Variants in CSMD1 observed in about 807,000 individuals in gnomAD.
CSMD1 encodes the protein CUB and Sushi multiple domains 1, also known as CUB and sushi domain-containing protein 1.
In CSMD1, 213 loss-of-function variants were observed where a neutral mutation model predicts 417.5. The observed-to-expected ratio is 0.51, with a 90% CI of 0.46 to 0.57. The LOEUF (loss-of-function observed/expected upper bound fraction) is 0.57. CSMD1 is among the 20% of genes least tolerant of loss of function. The probability of loss-of-function intolerance (pLI) is 0.00; values close to 1 mark genes in which losing one functional copy is unlikely to be tolerated. For synonymous variants in CSMD1, 2,862 were observed against 1,736.8 expected (o/e 1.65, Z -16.11); for missense variants, 6,923 against 4,529.7 (o/e 1.53, Z -15.17).
At chr8:4,007,922 A>G (rs2740964) in intron 4 of CSMD1, among the ~76,000 whole-genome samples, 96,334 of 152,052 alleles carry the variant, frequency 0.63, 30,696 homozygotes, top group East Asian at 0.68. Context: ...TAGTCTATAA[A>G]AACTGCCTCA....
At chr8:4,292,246 T>C (rs906927874) in intron 3 of CSMD1, among the ~76,000 whole-genome samples, 3 of 151,890 alleles carry the variant, frequency 2.0e-5, no homozygotes, top group South Asian at 2.1e-4. Context: ...TTGTCGTCGT[T>C]GTTGTTGTTG....
At chr8:3,243,482 G>A (rs560604055) in intron 26 of CSMD1, among the ~76,000 whole-genome samples, 1 of 147,924 alleles carries the variant, frequency 6.8e-6, no homozygotes, top group Non-Finnish European at 1.5e-5. Flanking sequence ...TTGTTTTCTG[G>A]GGGGCAGGTG....
At chr8:4,060,550 T>C (rs1036047952) in intron 3 of CSMD1, among the ~76,000 whole-genome samples, 4 of 152,130 alleles carry the variant, frequency 2.6e-5, no homozygotes, top group Non-Finnish European at 4.4e-5. Flanking sequence ...GCCTCTGCAA[T>C]GGTTAACAGT....
chr8:4,023,469 G>A (rs370167256), intron 4 of CSMD1, among the ~76,000 whole-genome samples: 3 of 152,270 alleles, frequency 2.0e-5, no homozygotes, highest in African/African-American at 4.8e-5. Context: ...AGTAGCATTA[G>A]GGATTGCAAT....
chr8:4,795,419 C>A (rs528245097), intron 1 of CSMD1, among the ~76,000 whole-genome samples: 3 of 151,268 alleles, frequency 2.0e-5, no homozygotes, highest in Non-Finnish European at 4.4e-5. Flanking sequence ...TTACAGGTAC[C>A]CAGCACCACG....
chr8:3,484,134 T>C (rs1438931426), intron 11 of CSMD1, among the ~76,000 whole-genome samples: 1 of 152,186 alleles, frequency 6.6e-6, no homozygotes, highest in Non-Finnish European at 1.5e-5. Context: ...GTTAAGTCTC[T>C]TGACAAAGAA....
intron 10 of CSMD1, among the ~76,000 whole-genome samples, chr8:3,549,979 A>G (rs1798838892): frequency 6.6e-6 from 1 of 152,198 alleles, no homozygotes; most frequent in African/African-American, 2.4e-5. Context: ...AGACATAAAG[A>G]GTTAATATAT....
chr8:3,155,279 T>A (rs1292306436), intron 39 of CSMD1, among the ~76,000 whole-genome samples: 2 of 151,560 alleles, frequency 1.3e-5, no homozygotes, highest in African/African-American at 4.8e-5. Context: ...GGCAGATTGA[T>A]GTTCTGTATG....
At chr8:4,025,042 G>A (rs1305132137) in intron 4 of CSMD1, among the ~76,000 whole-genome samples, 1 of 152,096 alleles carries the variant, frequency 6.6e-6, no homozygotes, top group East Asian at 1.9e-4. Context: ...TAGGCAGCCG[G>A]GACAACATCA....
chr8:3,032,931 T>C (rs1441723635), intron 50 of CSMD1, among the ~76,000 whole-genome samples: 1 of 152,094 alleles, frequency 6.6e-6, no homozygotes, highest in African/African-American at 2.4e-5. Context: ...TACCAGTATA[T>C]GAAATGCAAA....
chr8:4,106,198 A>G (rs1435096374), intron 3 of CSMD1, among the ~76,000 whole-genome samples: 2 of 152,180 alleles, frequency 1.3e-5, no homozygotes, highest in African/African-American at 2.4e-5. Flanking sequence ...CCGGAGATCT[A>G]TGAGAGGAAT....
At chr8:4,498,204 C>T (rs924965644) in intron 2 of CSMD1, among the ~76,000 whole-genome samples, 5 of 152,146 alleles carry the variant, frequency 3.3e-5, no homozygotes, top group Admixed American at 6.5e-5. Context: ...GCTTAGCAGA[C>T]GGGGTTGAAC....
Position 3,118,531 on chromosome 8 carries a change from T to A in CSMD1, c.6298A>T (p.Asn2100Tyr), listed in dbSNP as rs1289001940. Residue 2100 changes from asparagine to tyrosine, a missense_variant, in exon 42 of 70, where the codon AAC becomes TAC. Physicochemically the swap from Asn to Tyr is moderately radical, Grantham distance 143. Transcript: ENST00000635120. ...GATTGCCCCACGCTGTAATCCGAGT[T>A]GATCATGTACCCATTCTGAAATGGG... ...PPPFQNGYMI[N>Y]SDYSVGQSVS... The A allele has an allele frequency of 3.7e-6, 6 of 1,613,986 alleles. No individual in the cohort carries two copies. The highest frequency in any genetic ancestry group is 5.1e-6 in the Non-Finnish European group (6 of 1,179,880).
chr8:3,267,830 C>T (rs1404567120), intron 26 of CSMD1, among the ~76,000 whole-genome samples: 1 of 152,056 alleles, frequency 6.6e-6, no homozygotes, highest in Non-Finnish European at 1.5e-5. Context: ...CCAGCTGGGC[C>T]AACCATTGAC....
chr8:4,479,852 G>C (rs140007996), intron 2 of CSMD1, among the ~76,000 whole-genome samples: 2 of 151,804 alleles, frequency 1.3e-5, no homozygotes, highest in African/African-American at 2.4e-5. Context: ...TTTAGTTCCA[G>C]CTACTCGGGA....
intron 1 of CSMD1, among the ~76,000 whole-genome samples, chr8:4,870,611 C>T (rs1274546346): frequency 6.6e-6 from 1 of 151,988 alleles, no homozygotes; most frequent in Non-Finnish European, 1.5e-5. Context: ...AGTGTGGATA[C>T]TTTATTAGGA....
intron 3 of CSMD1, among the ~76,000 whole-genome samples, chr8:4,229,465 CCAA>C (rs1242252112): frequency 6.6e-6 from 1 of 152,200 alleles, no homozygotes; most frequent in Admixed American, 6.5e-5. Flanking sequence ...CCCACAATCA[CCAA>C]CAAGCACTTA....
chr8:4,028,933 A>T (rs544800324), intron 4 of CSMD1, among the ~76,000 whole-genome samples: 8 of 152,348 alleles, frequency 5.3e-5, no homozygotes, highest in African/African-American at 1.9e-4. Context: ...GGAACAGTAA[A>T]ATAGTATTTT....
intron 5 of CSMD1, among the ~76,000 whole-genome samples, chr8:3,973,051 G>C (rs982315715): frequency 6.6e-6 from 1 of 152,316 alleles, no homozygotes; most frequent in African/African-American, 2.4e-5. Context: ...TCACAGATAA[G>C]TGTGCTTTGA....
Sources: allele counts gnomAD v4.1 joint callset (sites outside exome capture counted in the v4.1 genomes callset), GRCh38; gene constraint gnomAD v4.1.1; transcripts MANE v1.5; gene names NCBI Gene and HGNC (gene_info 2026-07-23, HGNC 2026-07-21).